Variants in PCTP observed in about 807,000 individuals in gnomAD.
The protein encoded by PCTP is phosphatidylcholine transfer protein, also known as START domain-containing protein 2.
A neutral mutation model predicts 31.0 loss-of-function variants in PCTP; 27 were observed. The ratio of observed to expected loss-of-function variants is 0.87; its 90% CI spans 0.64 to 1.20. The LOEUF (loss-of-function observed/expected upper bound fraction) is 1.20. PCTP is among the 50% of genes most tolerant of loss of function. PCTP has a pLI of 0.00. For missense variants in PCTP, 287 were observed against 268.2 expected, an observed-to-expected ratio of 1.07 and a Z score of -0.49; for synonymous variants, 108 against 101.2, an observed-to-expected ratio of 1.07 and a Z score of -0.40.
intron 3 of PCTP, among the ~76,000 whole-genome samples, chr17:55,801,436 T>C (rs1912376562): frequency 1.3e-5 from 2 of 152,118 alleles, no homozygotes; most frequent in African/African-American, 2.4e-5. Context: ...ACATCACACT[T>C]ATTCTAAAAC....
intron 2 of PCTP, among the ~76,000 whole-genome samples, chr17:55,786,337 G>C (rs1160261243): frequency 6.6e-6 from 1 of 152,146 alleles, no homozygotes; most frequent in Non-Finnish European, 1.5e-5. Context: ...AGTAGAGCTT[G>C]TGTATACTCT....
At chr17:55,800,609 G>A (rs1280042557) in intron 3 of PCTP, among the ~76,000 whole-genome samples, 2 of 151,906 alleles carry the variant, frequency 1.3e-5, no homozygotes, top group Admixed American at 1.3e-4. Flanking sequence ...ATCCAGTTTT[G>A]TTCCCTTGCT....
chr17:55,769,755 C>T (rs554692287), intron 2 of PCTP: 6 of 152,380 alleles, frequency 3.9e-5, no homozygotes, highest in East Asian at 1.9e-4. Context: ...TCCCTGAATT[C>T]GTCACCATGG....
chr17:55,764,932 C>T (rs1226213138), intron 1 of PCTP, among the ~76,000 whole-genome samples: 1 of 152,176 alleles, frequency 6.6e-6, no homozygotes, highest in Admixed American at 6.5e-5. Context: ...AGCCTTTAGG[C>T]AAAGCTGAGG....
chr17:55,763,606 T>C (rs1910463001), intron 1 of PCTP, among the ~76,000 whole-genome samples: 1 of 151,814 alleles, frequency 6.6e-6, no homozygotes, highest in African/African-American at 2.4e-5. Context: ...AAAATAAGAA[T>C]ACAAACTATT....
At chr17:55,812,071 G>A (rs1912770248) in intron 3 of PCTP, among the ~76,000 whole-genome samples, 1 of 152,200 alleles carries the variant, frequency 6.6e-6, no homozygotes, top group Non-Finnish European at 1.5e-5. Context: ...AGTAGATTCA[G>A]ATGTGAAAGT....
intron 5 of PCTP, among the ~76,000 whole-genome samples, chr17:55,837,357 A>C (rs76430460): frequency 4.1e-4 from 63 of 152,192 alleles, no homozygotes; most frequent in Non-Finnish European, 8.7e-4. Context: ...TGTGCACTAG[A>C]CTCTTAGATT....
intron 5 of PCTP, among the ~76,000 whole-genome samples, chr17:55,840,564 A>C (rs904790251): frequency 6.6e-6 from 1 of 152,228 alleles, no homozygotes; most frequent in Non-Finnish European, 1.5e-5. Flanking sequence ...GACAACTACA[A>C]TCCAAAAATA....
downstream of PCTP, among the ~76,000 whole-genome samples, chr17:55,844,005 C>T (rs1002728688): frequency 7.9e-5 from 12 of 152,160 alleles, no homozygotes; most frequent in African/African-American, 2.9e-4. Flanking sequence ...CCATGAGAGC[C>T]TACTGACTTT....
chr17:55,788,964 T>G (rs1030667196), intron 3 of PCTP, among the ~76,000 whole-genome samples: 15 of 152,184 alleles, frequency 9.9e-5, no homozygotes, highest in Admixed American at 6.6e-5. Flanking sequence ...ATACAGACAT[T>G]GGAGATGAGC....
At chr17:55,772,015 A>G (rs988204916) in intron 3 of PCTP, among the ~76,000 whole-genome samples, 17 of 152,236 alleles carry the variant, frequency 1.1e-4, no homozygotes, top group African/African-American at 4.1e-4. Context: ...AACTGCCAAC[A>G]CTTCAAAGGT....
chr17:55,848,770 C>T, the PCTP span, among the ~76,000 whole-genome samples: 3 of 152,132 alleles, frequency 2.0e-5, no homozygotes, highest in African/African-American at 7.2e-5. Flanking sequence ...ATCATCAGGG[C>T]CTACAGCAAC....
chr17:55,777,908 A>C (rs1361537508), downstream of PCTP, among the ~76,000 whole-genome samples: 2 of 152,240 alleles, frequency 1.3e-5, 1 homozygote, highest in African/African-American at 4.8e-5. Context: ...AAATCTTATG[A>C]ATAGATTATT....
At chr17:55,783,127 C>A (rs538863686) in intron 2 of PCTP, among the ~76,000 whole-genome samples, 1 of 152,248 alleles carries the variant, frequency 6.6e-6, no homozygotes, top group South Asian at 2.1e-4. Flanking sequence ...AAAGAGGGAA[C>A]ACTGAGGACA....
chr17:55,766,709 C>G (rs932187385), intron 1 of PCTP, among the ~76,000 whole-genome samples: 3 of 152,134 alleles, frequency 2.0e-5, no homozygotes, highest in African/African-American at 7.2e-5. Context: ...GTGAATAGAG[C>G]CGCAGTAAAC....
chr17:55,798,434 T>G (rs963898170), intron 3 of PCTP, among the ~76,000 whole-genome samples: 12 of 151,854 alleles, frequency 7.9e-5, no homozygotes, highest in African/African-American at 2.9e-4. Flanking sequence ...ATATTTAAAT[T>G]CATCACAGTA....
chr17:55,758,406 G>A (rs1910160500), intron 1 of PCTP, among the ~76,000 whole-genome samples: 1 of 152,148 alleles, frequency 6.6e-6, no homozygotes, highest in Non-Finnish European at 1.5e-5. Context: ...AGAAAGTTTG[G>A]CCTTTAGAGA....
intron 3 of PCTP, among the ~76,000 whole-genome samples, chr17:55,787,824 A>G (rs1452382189): frequency 6.6e-6 from 1 of 152,152 alleles, no homozygotes; most frequent in Non-Finnish European, 1.5e-5. Flanking sequence ...AAACATCCTC[A>G]GTTCCTTTAA....
intron 2 of PCTP, among the ~76,000 whole-genome samples, chr17:55,767,809 C>G (rs1241759503): frequency 1.9e-5 from 2 of 106,810 alleles, no homozygotes; most frequent in African/African-American, 3.5e-5. Context: ...TAGATCTATT[C>G]TGACCAGATG....
Sources: allele counts gnomAD v4.1 joint callset (sites outside exome capture counted in the v4.1 genomes callset), GRCh38; gene constraint gnomAD v4.1.1; transcripts MANE v1.5; gene names NCBI Gene and HGNC (gene_info 2026-07-23, HGNC 2026-07-21).